PTPRT: variants seen among roughly 807,000 people sequenced by gnomAD.
The protein encoded by PTPRT is protein tyrosine phosphatase receptor type T.
Under a neutral mutation model 176.8 loss-of-function variants are expected in PTPRT, and 56 were observed. That is an observed-to-expected ratio of 0.32 (90% CI 0.26 to 0.40). The LOEUF is 0.40. Among genes scored for constraint, PTPRT ranks in the 10% least tolerant of loss-of-function variants. The pLI is 1.00. For synonymous variants in PTPRT, 783 were observed against 739.0 expected (o/e 1.06, Z -0.96); for missense variants, 1,540 against 1,908.2 (o/e 0.81, Z 3.60).
chr20:42,762,428 T>C (rs8126191), intron 5 of PTPRT, among the ~76,000 whole-genome samples: 21,417 of 152,144 alleles, frequency 0.14, 1,722 homozygotes, highest in South Asian at 0.21. Context: ...AGTCCCTTAA[T>C]GGAAAGCAAG....
chr20:42,305,266 T>C (rs975893371), intron 12 of PTPRT, among the ~76,000 whole-genome samples: 4 of 89,324 alleles, frequency 4.5e-5, no homozygotes, highest in African/African-American at 2.1e-4. Flanking sequence ...GGCAGGAGAA[T>C]CACTCGAACC....
chr20:42,061,276 A>G, the PTPRT span, among the ~76,000 whole-genome samples: 2 of 152,096 alleles, frequency 1.3e-5, no homozygotes, highest in East Asian at 3.9e-4. Context: ...AGAGTTTCTT[A>G]AAAGTCTGAG....
chr20:42,641,300 A>T (rs992984866), intron 7 of PTPRT, among the ~76,000 whole-genome samples: 4 of 152,182 alleles, frequency 2.6e-5, no homozygotes, highest in Admixed American at 2.6e-4. Flanking sequence ...GGCCTTCCTA[A>T]GGGTAATTGC....
At chr20:42,117,345 A>G (rs932386930) in intron 21 of PTPRT, among the ~76,000 whole-genome samples, 64 of 152,244 alleles carry the variant, frequency 4.2e-4, no homozygotes, top group African/African-American at 1.5e-3. Flanking sequence ...TATGATGTGT[A>G]GAGAGCCCTT....
intron 9 of PTPRT, among the ~76,000 whole-genome samples, chr20:42,415,363 T>TTTG (rs2059055668): frequency 8.2e-5 from 1 of 12,140 alleles, no homozygotes. Flanking sequence ...TTTTGTCTTT[T>TTTG]TTGTTTGTTT....
At chr20:43,175,540 C>G in intron 1 of PTPRT, among the ~76,000 whole-genome samples, 1 of 151,690 alleles carries the variant, frequency 6.6e-6, no homozygotes, top group East Asian at 1.9e-4. Flanking sequence ...GAACAAGACT[C>G]CGGGCTCTGA....
intron 11 of PTPRT, among the ~76,000 whole-genome samples, chr20:42,323,739 T>C (rs1305425048): frequency 1.3e-5 from 2 of 151,830 alleles, no homozygotes; most frequent in African/African-American, 2.4e-5. Context: ...TGTGTACATG[T>C]ACCCTAAAAC....
At chr20:42,289,208 G>A (rs2057280247) in intron 12 of PTPRT, among the ~76,000 whole-genome samples, 1 of 152,020 alleles carries the variant, frequency 6.6e-6, no homozygotes, top group South Asian at 2.1e-4. Flanking sequence ...CCTGGGCATT[G>A]GCCTAAGCAA....
chr20:42,272,325 C>A lies in PTPRT; in HGVS notation c.2176+10164G>T, dbSNP rs143913845. ...AGTATTTGTGACAGAGACCATAAGG[C>A]CTGCAAAGCTGAAAATATTTACTAT... On this transcript the variant is annotated intron_variant, in intron 13 of 30. Transcript: ENST00000373187. Among the ~76,000 whole-genome samples, 17 of 152,214 alleles carry A rather than the reference C, an allele frequency of 1.1e-4. No homozygotes were observed. The East Asian group carries it at 3.3e-3, about 29-fold the overall frequency.
chr20:43,187,837 A>G (rs1424261416), intron 1 of PTPRT, among the ~76,000 whole-genome samples: 3 of 152,244 alleles, frequency 2.0e-5, no homozygotes, highest in Non-Finnish European at 2.9e-5. Flanking sequence ...TGCTGAATAA[A>G]CACATTACTC....
chr20:42,614,720 T>A (rs1298522112), intron 7 of PTPRT, among the ~76,000 whole-genome samples: 1 of 152,156 alleles, frequency 6.6e-6, no homozygotes, highest in Non-Finnish European at 1.5e-5. Flanking sequence ...TAGTTCATTT[T>A]CATGCTGCTG....
intron 15 of PTPRT, among the ~76,000 whole-genome samples, chr20:42,219,363 G>A (rs1449536024): frequency 1.3e-5 from 2 of 152,112 alleles, no homozygotes; most frequent in Admixed American, 6.5e-5. Flanking sequence ...TGCTTATAAC[G>A]CCATGTGGGC....
At chr20:42,690,257 T>C (rs1006017043) in intron 6 of PTPRT, among the ~76,000 whole-genome samples, 1 of 151,918 alleles carries the variant, frequency 6.6e-6, no homozygotes, top group African/African-American at 2.4e-5. Context: ...GTGTAAGCAG[T>C]GGTGTCACGT....
intron 22 of PTPRT, among the ~76,000 whole-genome samples, chr20:42,111,416 G>A (rs955726581): frequency 6.6e-6 from 1 of 152,172 alleles, no homozygotes; most frequent in Non-Finnish European, 1.5e-5. Context: ...CCTATCCCTG[G>A]AACAGCTCAT....
intron 1 of PTPRT, among the ~76,000 whole-genome samples, chr20:43,061,754 G>T (rs1311618092): frequency 6.6e-6 from 1 of 152,168 alleles, no homozygotes; most frequent in African/African-American, 2.4e-5. Flanking sequence ...GAATTTCAAG[G>T]TAACTCTTTA....
intron 7 of PTPRT, among the ~76,000 whole-genome samples, chr20:42,639,946 C>T (rs946082318): frequency 2.6e-5 from 4 of 152,092 alleles, no homozygotes; most frequent in African/African-American, 4.8e-5. Context: ...CCCTCTCCCC[C>T]CAACCCGAAT....
Position 42,121,087 on chromosome 20 carries a change from G to C in PTPRT, c.2848-1116C>G, listed in dbSNP as rs185156400. On this transcript the variant is annotated intron_variant, in intron 19 of 30. Coordinates refer to ENST00000373187, the MANE Select transcript of PTPRT (RefSeq NM_007050.6). ...TCTTCAGGAAATAGAACTGCCATCTGTATGGTTTATGGTGCCACAGATGTG... is the reference window on the plus strand; with the variant it reads ...TCTTCAGGAAATAGAACTGCCATCTCTATGGTTTATGGTGCCACAGATGTG... 7.4e-4 allele frequency among the ~76,000 whole-genome samples: 112 copies of C among 152,334 alleles called. 1 individual carries two copies. The highest frequency in any genetic ancestry group is 4.4e-3 in the Admixed American group (67 of 15,304).
At chr20:42,708,332 C>T (rs2076092271) in intron 6 of PTPRT, among the ~76,000 whole-genome samples, 1 of 152,118 alleles carries the variant, frequency 6.6e-6, no homozygotes, top group South Asian at 2.1e-4. Context: ...ACAGGATAGA[C>T]TCTAATAGGA....
chr20:42,481,631 T>C (rs1277089855), intron 7 of PTPRT, among the ~76,000 whole-genome samples: 1 of 152,020 alleles, frequency 6.6e-6, no homozygotes, highest in Non-Finnish European at 1.5e-5. Context: ...GTTAGTTTTT[T>C]TTAATTTTTT....
Sources: allele counts gnomAD v4.1 joint callset (sites outside exome capture counted in the v4.1 genomes callset), GRCh38; gene constraint gnomAD v4.1.1; transcripts MANE v1.5; gene names NCBI Gene and HGNC (gene_info 2026-07-23, HGNC 2026-07-21).